The following DNAAF5 variants were observed in gnomAD, a reference collection of about 807,000 sequenced individuals.
The protein encoded by DNAAF5 is dynein axonemal assembly factor 5.
In DNAAF5, 64 loss-of-function variants were observed where a neutral mutation model predicts 75.8. That is an observed-to-expected ratio of 0.84 (90% CI 0.69 to 1.04). The LOEUF is 1.04. DNAAF5 is among the 50% of genes least tolerant of loss of function. The pLI is 0.00. For synonymous variants in DNAAF5, 657 were observed against 557.2 expected, an observed-to-expected ratio of 1.18 and a Z score of -2.52; for missense variants, 1,269 against 1,178.5, an observed-to-expected ratio of 1.08 and a Z score of -1.12.
At chr7:774,644 C>A (rs1778698005) in intron 10 of DNAAF5, among the ~76,000 whole-genome samples, 1 of 152,088 alleles carries the variant, frequency 6.6e-6, no homozygotes, top group South Asian at 2.1e-4. Context: ...CGCCGCCCGG[C>A]GGGAAGGCGC....
intron 8 of DNAAF5, among the ~76,000 whole-genome samples, chr7:767,951 G>T (rs546889720): frequency 6.6e-6 from 1 of 150,392 alleles, no homozygotes; most frequent in African/African-American, 2.5e-5. Flanking sequence ...GCTCCGGGCA[G>T]AAGTGTCCGC....
At chr7:763,334 C>G (rs1782724603) in intron 7 of DNAAF5, among the ~76,000 whole-genome samples, 1 of 152,162 alleles carries the variant, frequency 6.6e-6, no homozygotes, top group Non-Finnish European at 1.5e-5. Flanking sequence ...TCCTAAGCCC[C>G]CAAGGAGAGC....
intron 12 of DNAAF5, 96 bp downstream of exon 12, chr7:780,240 T>G: frequency 8.4e-7 from 1 of 1,194,622 alleles, no homozygotes; most frequent in Non-Finnish European, 1.2e-6. Context: ...CACAGGGCCC[T>G]GGGGCACAGG....
At chr7:740,603 C>T (rs912281370) in intron 2 of DNAAF5, among the ~76,000 whole-genome samples, 2 of 152,182 alleles carry the variant, frequency 1.3e-5, no homozygotes, top group African/African-American at 2.4e-5. Context: ...GAGGGACTGG[C>T]GGAGCTGGCC....
intron 7 of DNAAF5, 29 bp downstream of exon 7, chr7:761,925 G>A: frequency 6.4e-7 from 1 of 1,551,114 alleles, no homozygotes; most frequent in Non-Finnish European, 8.7e-7. Context: ...GCTGCTGCTT[G>A]ACCTAGCGGA....
intron 4 of DNAAF5, among the ~76,000 whole-genome samples, chr7:745,767 C>G (rs1782080508): frequency 1.3e-5 from 2 of 152,222 alleles, no homozygotes; most frequent in African/African-American, 4.8e-5. Context: ...CACATCCTGC[C>G]CTACCCCGCC....
intron 6 of DNAAF5, 112 bp downstream of exon 6, chr7:757,106 C>A: frequency 9.5e-7 from 1 of 1,057,704 alleles, no homozygotes; most frequent in South Asian, 1.6e-5. Context: ...GCTGGGCTGT[C>A]GGAAGCACCC....
chr7:774,743 T>TG (rs1778700891), intron 10 of DNAAF5, among the ~76,000 whole-genome samples: 1 of 152,124 alleles, frequency 6.6e-6, no homozygotes, highest in Non-Finnish European at 1.5e-5. Flanking sequence ...CCCACGTCCT[T>TG]GGGGCCCAGG....
intron 2 of DNAAF5, among the ~76,000 whole-genome samples, chr7:739,030 G>C (rs1446806642): frequency 6.6e-6 from 1 of 152,086 alleles, no homozygotes; most frequent in Non-Finnish European, 1.5e-5. Context: ...CTCCCGGAGA[G>C]GGCCCCATCA....
chr7:786,237 T>A lies in DNAAF5; in HGVS notation c.*584T>A, dbSNP rs1004788743. 3.3e-5 allele frequency: 5 copies of A among 152,404 alleles called. No individual in the cohort carries two copies. The highest frequency in any genetic ancestry group is 7.3e-5 in the Non-Finnish European group (5 of 68,190). 9.4% of individuals were successfully genotyped at this position (152,404 alleles called of 1,614,324 possible). A position where few individuals can be genotyped will look rare whatever the true frequency, so the allele number is the denominator to read the frequency against. On this transcript the variant is annotated 3_prime_UTR_variant, in exon 13 of 13. Transcript: ENST00000297440. ...TTTAAGTCGGTGTTAATGCTAACAGTGTTGAAAACAATATTTCATGAGATC... is the reference window on the plus strand; with the variant it reads ...TTTAAGTCGGTGTTAATGCTAACAGAGTTGAAAACAATATTTCATGAGATC...
Position 756,786 on chromosome 7 carries a change from C to T in DNAAF5, c.1262C>T (p.Thr421Ile). The change falls in exon 6 of 13, where the codon ACC (threonine) becomes ATC (isoleucine). Residue 421 changes from threonine to isoleucine, a missense_variant. By Grantham distance (89) the Thr-to-Ile change is moderately conservative. Coordinates refer to ENST00000297440, the MANE Select transcript of DNAAF5 (RefSeq NM_017802.4). ...DEEAAVVQSC[T>I]RSAELVGTFV... ...TCTCATGTTTCTTTCTCGCAGTGTACCAGATCCGCAGAGCTCGTCGGGACG... is the reference window on the plus strand; with the variant it reads ...TCTCATGTTTCTTTCTCGCAGTGTATCAGATCCGCAGAGCTCGTCGGGACG... The T allele has an allele frequency of 6.2e-7, 1 of 1,613,524 alleles. No homozygotes were observed.
chr7:770,811 C>T, intron 9 of DNAAF5, 193 bp downstream of exon 9: 1 of 553,146 alleles, frequency 1.8e-6, no homozygotes, highest in East Asian at 2.9e-5. Context: ...CTCCCTCCCC[C>T]ACGCCGAGTC....
intron 5 of DNAAF5, among the ~76,000 whole-genome samples, chr7:755,830 C>T (rs778016483): frequency 3.9e-5 from 6 of 152,142 alleles, no homozygotes; most frequent in African/African-American, 1.4e-4. Context: ...CAAAAACTAC[C>T]GTGAATTTAA....
chr7:767,498 G>T (rs957187464), intron 8 of DNAAF5, among the ~76,000 whole-genome samples: 1 of 152,216 alleles, frequency 6.6e-6, no homozygotes, highest in African/African-American at 2.4e-5. Flanking sequence ...AATAGAAATT[G>T]TAAGTGACCC....
chr7:739,094 GC>G, intron 2 of DNAAF5, among the ~76,000 whole-genome samples: 1 of 106,942 alleles, frequency 9.4e-6, no homozygotes, highest in Non-Finnish European at 1.9e-5. Flanking sequence ...TCTCAGCCAC[GC>G]CCTCTGCCCC....
chr7:785,910 C>T lies in DNAAF5; in HGVS notation c.*257C>T, dbSNP rs757415580. 2.3e-5 allele frequency: 10 copies of T among 437,016 alleles called. No individual in the cohort carries two copies. The highest frequency in any genetic ancestry group is 1.7e-4 in the South Asian group (5 of 28,652). The allele number at this position is 437,016 out of a possible 1,614,324, so 27.1% of individuals were successfully genotyped here. ...TTTGAAATTAAAAGTAAGTCGCAGCCGCTCCTCCCGCAGCCACTTCAGCAG... is the reference window on the plus strand; with the variant it reads ...TTTGAAATTAAAAGTAAGTCGCAGCTGCTCCTCCCGCAGCCACTTCAGCAG... On this transcript the variant is annotated 3_prime_UTR_variant, in exon 13 of 13. Transcript: ENST00000297440.
At position 756,689 on chromosome 7, in the gene DNAAF5, C is replaced by T. The variant is rs1018165300; in HGVS notation, c.1258-93C>T. ...CTAACACGGGGCTCTGTCTGGTGCA[C>T]GGCTGTGTCTGGGAGGCCACGGCGC... On this transcript the variant is annotated intron_variant, in intron 5 of 12. Coordinates refer to ENST00000297440, the MANE Select transcript of DNAAF5 (RefSeq NM_017802.4). 5.9e-5 allele frequency: 66 copies of T among 1,126,514 alleles called. No individual in the cohort carries two copies. In the East Asian group the frequency reaches 1.0e-3, roughly 18 times the overall value. 69.8% of individuals were successfully genotyped at this position (1,126,514 alleles called of 1,614,324 possible).
intron 2 of DNAAF5, among the ~76,000 whole-genome samples, chr7:739,312 G>A (rs888435666): frequency 9.2e-5 from 14 of 152,240 alleles, no homozygotes; most frequent in East Asian, 3.8e-4. Context: ...CTGGATTAGC[G>A]TCGTGGCAGG....
At chr7:760,074 GCGGCTCCTCC>G (rs1782597515) in intron 6 of DNAAF5, among the ~76,000 whole-genome samples, 1 of 10,970 alleles carries the variant, frequency 9.1e-5, no homozygotes, top group African/African-American at 2.7e-4. Flanking sequence ...ACGGGGCCGC[GCGGCTCCTCC>G]AGCTCTGAGG....
Sources: gnomAD v4.1 joint callset for allele counts (sites outside exome capture counted in the v4.1 genomes callset) on GRCh38, gnomAD v4.1.1 for gene constraint, MANE v1.5 for transcripts, NCBI Gene and HGNC (gene_info 2026-07-23, HGNC 2026-07-21) for gene names.